The following MEI1 variants were observed in gnomAD, a reference collection of about 807,000 sequenced individuals.
The protein encoded by MEI1 is meiosis inhibitor protein 1.
A neutral mutation model predicts 146.2 loss-of-function variants in MEI1; 103 were observed. That is an observed-to-expected ratio of 0.70 (90% CI 0.60 to 0.83). The LOEUF (loss-of-function observed/expected upper bound fraction) is 0.83. Ranked by LOEUF, MEI1 falls within the 40% of genes least tolerant of loss-of-function variation. MEI1 has a pLI of 0.00. For synonymous variants in MEI1, 652 were observed against 628.2 expected, an observed-to-expected ratio of 1.04 and a Z score of -0.57; for missense variants, 1,529 against 1,533.0, an observed-to-expected ratio of 1.00 and a Z score of 0.04.
At chr22:41,758,298 C>A in intron 17 of MEI1, 67 bp from the exon 18 acceptor site, 1 of 1,475,268 alleles carries the variant, frequency 6.8e-7, no homozygotes, top group Non-Finnish European at 9.3e-7. Flanking sequence ...GTAGTAGGTA[C>A]TAATGTGCTG....
rs925642892 is a variant in MEI1 at position 41,771,585 on chromosome 22, G to A, written c.2544+624G>A. Among the ~76,000 whole-genome samples, 6 of 146,408 alleles carry A rather than the reference G, an allele frequency of 4.1e-5. No homozygotes were observed. In the East Asian group the frequency reaches 8.1e-4, roughly 20 times the overall value. On this transcript the variant is annotated intron_variant, in intron 20 of 30. Transcript: ENST00000401548. The stretch of plus-strand genomic sequence containing the variant: ...CGAGTAGCTGGGACTACAGGTGCAC[G>A]CCACCACACCCAACTAATTTTTTAC...
intron 19 of MEI1, among the ~76,000 whole-genome samples, chr22:41,766,037 C>T (rs1313795317): frequency 2.0e-5 from 3 of 151,048 alleles, no homozygotes; most frequent in African/African-American, 7.3e-5. Flanking sequence ...ATTACAGGCA[C>T]CCGCCACCAT....
At chr22:41,714,507 C>G (rs1048290223) in intron 4 of MEI1, among the ~76,000 whole-genome samples, 1 of 152,008 alleles carries the variant, frequency 6.6e-6, no homozygotes. Flanking sequence ...GTACTGAAGG[C>G]GTTTGCTTCT....
At chr22:41,766,617 A>G (rs1471577716) in intron 19 of MEI1, among the ~76,000 whole-genome samples, 1 of 151,572 alleles carries the variant, frequency 6.6e-6, no homozygotes, top group Non-Finnish European at 1.5e-5. Context: ...TGTGATCACA[A>G]CTCCCTGCAG....
At chr22:41,764,671 A>G (rs1282359399) in intron 19 of MEI1, among the ~76,000 whole-genome samples, 3 of 152,320 alleles carry the variant, frequency 2.0e-5, no homozygotes, top group Non-Finnish European at 2.9e-5. Context: ...GGAGTTTATA[A>G]GGAAGCTGGA....
At chr22:41,724,355 C>T (rs796357117) in intron 7 of MEI1, among the ~76,000 whole-genome samples, 13 of 151,828 alleles carry the variant, frequency 8.6e-5, no homozygotes, top group African/African-American at 3.1e-4. Context: ...CGTGGTGGCT[C>T]ACGCCTGTAA....
intron 30 of MEI1, among the ~76,000 whole-genome samples, chr22:41,796,227 G>A (rs1258441928): frequency 6.6e-6 from 1 of 151,914 alleles, no homozygotes; most frequent in Admixed American, 6.6e-5. Context: ...TTGCTCCGTC[G>A]CCCAGGCTGG....
intron 23 of MEI1, 104 bp from the exon 24 acceptor site, chr22:41,781,579 CCT>C (rs2075757889): frequency 7.4e-7 from 1 of 1,344,668 alleles, no homozygotes; most frequent in Admixed American, 2.3e-5. Context: ...TCAGGATGAT[CCT>C]CTGTTTGTTT....
At chr22:41,716,020 G>C in intron 4 of MEI1, 21 bp from the exon 5 acceptor site, 7 of 1,554,380 alleles carry the variant, frequency 4.5e-6, no homozygotes, top group Non-Finnish European at 6.2e-6. Context: ...TGACAGAATG[G>C]AGCATATTCA....
At chr22:41,700,626 C>T (rs192278241) in intron 1 of MEI1, among the ~76,000 whole-genome samples, 3 of 152,152 alleles carry the variant, frequency 2.0e-5, no homozygotes, top group East Asian at 1.9e-4. Flanking sequence ...CCACGGTGCC[C>T]GACCTGCAGT....
At chr22:41,767,560 A>G (rs1055782167) in intron 19 of MEI1, 7 of 455,688 alleles carry the variant, frequency 1.5e-5, no homozygotes, top group Non-Finnish European at 3.1e-5. Context: ...TATGCCTGGA[A>G]ACTCTTCCTT....
intron 11 of MEI1, 37 bp downstream of exon 11, chr22:41,732,640 C>A: frequency 6.2e-7 from 1 of 1,601,358 alleles, no homozygotes. Context: ...TCCATCCCTG[C>A]ATATACCTAA....
intron 7 of MEI1, among the ~76,000 whole-genome samples, chr22:41,724,797 T>C (rs913984174): frequency 6.6e-6 from 1 of 150,864 alleles, no homozygotes; most frequent in Non-Finnish European, 1.5e-5. Context: ...CTTTCATTTG[T>C]AAATTCTTTT....
chr22:41,751,059 A>G lies in MEI1; in HGVS notation c.1793-1532A>G, dbSNP rs1483010167. ...GTAGCATGAAGCCAGGTAGCACAGGATCAGAGGCTCAACCTGCAAGAGGGA... is the reference window on the plus strand; with the variant it reads ...GTAGCATGAAGCCAGGTAGCACAGGGTCAGAGGCTCAACCTGCAAGAGGGA... On this transcript the variant is annotated intron_variant, in intron 15 of 30. Coordinates refer to ENST00000401548, the MANE Select transcript of MEI1 (RefSeq NM_152513.4). 2.6e-5 allele frequency among the ~76,000 whole-genome samples: 4 copies of G among 151,998 alleles called. No homozygotes were observed. In the East Asian group the frequency reaches 7.7e-4, roughly 29 times the overall value.
intron 19 of MEI1, chr22:41,767,671 A>C (rs547019578): frequency 4.4e-6 from 2 of 450,246 alleles, no homozygotes; most frequent in African/African-American, 2.0e-5. Flanking sequence ...CAGCTACTCA[A>C]CCAATGTGGA....
In MEI1 at chr22:41,781,323, A is replaced by G; in HGVS notation, c.2855A>G (p.Asp952Gly). Residue 952 changes from aspartate to glycine, a missense_variant, in exon 23 of 31, where the codon GAC becomes GGC. Coordinates refer to ENST00000401548, the MANE Select transcript of MEI1 (RefSeq NM_152513.4). The stretch of plus-strand genomic sequence containing the variant: ...GGGAAGTGCAGCCCCACTGACGTGG[A>G]CATCCTGCAGCCCTCCTTCAACTTC... ...LCGKCSPTDV[D>G]ILQPSFNFLY... 6.2e-7 allele frequency: 1 copy of G among 1,613,506 alleles called. No homozygotes were observed. The highest frequency in any genetic ancestry group is 1.1e-5 in the South Asian group (1 of 90,868).
chr22:41,734,790 A>C (rs1254066424), intron 11 of MEI1, among the ~76,000 whole-genome samples: 4 of 151,206 alleles, frequency 2.6e-5, no homozygotes, highest in Non-Finnish European at 5.9e-5. Flanking sequence ...GGTGCGTGCC[A>C]CCATGCCCAG....
At chr22:41,719,752 C>T (rs1395096755) in intron 6 of MEI1, among the ~76,000 whole-genome samples, 1 of 152,150 alleles carries the variant, frequency 6.6e-6, no homozygotes, top group South Asian at 2.1e-4. Context: ...CTTTTAACGT[C>T]CTCTCCTGCT....
At chr22:41,775,504 C>T (rs1477352327) in intron 20 of MEI1, among the ~76,000 whole-genome samples, 1 of 152,138 alleles carries the variant, frequency 6.6e-6, no homozygotes, top group East Asian at 1.9e-4. Flanking sequence ...TCTGTCTGTG[C>T]CACTGGCTTA....
Sources: allele counts gnomAD v4.1 joint callset (sites outside exome capture counted in the v4.1 genomes callset), GRCh38; gene constraint gnomAD v4.1.1; transcripts MANE v1.5; gene names NCBI Gene and HGNC (gene_info 2026-07-23, HGNC 2026-07-21).